Variants in BOLA3 observed in about 807,000 individuals in gnomAD.
The protein encoded by BOLA3 is bolA-like protein 3.
Under a neutral mutation model 14.5 loss-of-function variants are expected in BOLA3, and 8 were observed. The ratio of observed to expected loss-of-function variants is 0.55; its 90% confidence interval spans 0.32 to 0.99. The LOEUF is 0.99. Among genes scored for constraint, BOLA3 ranks in the 50% least tolerant of loss-of-function variants. BOLA3 has a pLI of 0.04. For synonymous variants in BOLA3, 42 were observed against 45.7 expected (o/e 0.92, Z 0.33); for missense variants, 115 against 138.2 (o/e 0.83, Z 0.84).
chr2:74,142,239 C>G, intron 3 of BOLA3, 33 bp downstream of exon 3: 1 of 1,522,324 alleles, frequency 6.6e-7, no homozygotes, highest in South Asian at 1.1e-5. Context: ...AGGCTGAAGG[C>G]CAGTGGCAAG....
chr2:74,141,107 T>C (rs1344572447), intron 3 of BOLA3, among the ~76,000 whole-genome samples: 2 of 152,192 alleles, frequency 1.3e-5, no homozygotes, highest in African/African-American at 2.4e-5. Flanking sequence ...TTCCCTGTCT[T>C]GTCTTCTGCC....
At chr2:74,144,852 G>A (rs1199085818) in intron 2 of BOLA3, among the ~76,000 whole-genome samples, 1 of 152,232 alleles carries the variant, frequency 6.6e-6, no homozygotes. Flanking sequence ...GGTGTCAGAA[G>A]AATGGGGGAA....
rs549668038 is a variant in BOLA3 at position 74,141,518 on chromosome 2, C to G, written c.258+754G>C. On this transcript the variant is annotated intron_variant, in intron 3 of 3. Transcript: ENST00000327428. Reference sequence around the variant, plus strand: ...AGGCCCAGATAGAGAAAGAGAGAGACCAGCGGGCAGAGGCCGGCTGGGAGG... The same window carrying G: ...AGGCCCAGATAGAGAAAGAGAGAGAGCAGCGGGCAGAGGCCGGCTGGGAGG... Among the ~76,000 whole-genome samples, 167 of 152,060 alleles carry G rather than the reference C, an allele frequency of 1.1e-3. 1 individual carries two copies. The highest frequency in any genetic ancestry group is 3.9e-3 in the African/African-American group (161 of 41,482).
intron 3 of BOLA3, among the ~76,000 whole-genome samples, chr2:74,141,281 T>C (rs1692432979): frequency 6.6e-6 from 1 of 150,910 alleles, no homozygotes; most frequent in Admixed American, 6.6e-5. Flanking sequence ...CAAAGGGCAC[T>C]GGTCCACAAA....
chr2:74,136,522 G>A (rs1174165196), intron 3 of BOLA3, among the ~76,000 whole-genome samples: 1 of 152,076 alleles, frequency 6.6e-6, no homozygotes, highest in Non-Finnish European at 1.5e-5. Context: ...TGTGGCCCAA[G>A]AGAATTCTTC....
intron 2 of BOLA3, among the ~76,000 whole-genome samples, chr2:74,143,559 G>T (rs1183967254): frequency 6.6e-6 from 1 of 152,190 alleles, no homozygotes; most frequent in Non-Finnish European, 1.5e-5. Context: ...GGACTGCGCA[G>T]AGCCACAGCT....
intron 3 of BOLA3, among the ~76,000 whole-genome samples, chr2:74,139,872 C>G (rs893853923): frequency 2.0e-5 from 3 of 152,194 alleles, no homozygotes; most frequent in African/African-American, 7.2e-5. Flanking sequence ...GCTCTGGGCA[C>G]AGTGGCTCAC....
chr2:74,145,230 TTTTC>T lies in BOLA3; in HGVS notation c.124_127del (p.Glu42SerfsTer8). On this transcript the variant is annotated frameshift_variant, in exon 2 of 4. Coordinates refer to ENST00000327428, the MANE Select transcript of BOLA3 (RefSeq NM_212552.3). LOFTEE classifies it high-confidence loss of function. ...TTTTATAGCTGTAGCTCGTGGAAAC[TTTTC>T]TTTGAGAATTTGGGTCACTCTGAGC... is the stretch of plus-strand genomic sequence containing the variant. 6.2e-7 allele frequency: 1 copy of T among 1,612,102 alleles called. No homozygotes were observed. Among genetic ancestry groups the T allele is most frequent in the Non-Finnish European group, 8.5e-7 (1 of 1,178,080 alleles).
At chr2:74,147,749 CA>C (rs1367219046) in intron 1 of BOLA3, 71 bp downstream of exon 1, 2 of 1,486,360 alleles carry the variant, frequency 1.3e-6, no homozygotes, top group African/African-American at 2.8e-5. Context: ...CAAGCCCCGA[CA>C]GCCGCCGGCC....
chr2:74,142,179 C>T (rs758561728), intron 3 of BOLA3, 93 bp downstream of exon 3: 13 of 917,164 alleles, frequency 1.4e-5, no homozygotes, highest in Admixed American at 5.1e-5. Context: ...ATTATTCTCT[C>T]CTGCAACTGA....
chr2:74,138,758 G>T (rs557986544), intron 3 of BOLA3, among the ~76,000 whole-genome samples: 1 of 152,160 alleles, frequency 6.6e-6, no homozygotes, highest in Non-Finnish European at 1.5e-5. Flanking sequence ...GAAAGAGGCC[G>T]GAGGCAGGGA....
intron 2 of BOLA3, among the ~76,000 whole-genome samples, chr2:74,142,759 G>A (rs1692469407): frequency 6.6e-6 from 1 of 152,214 alleles, no homozygotes; most frequent in Non-Finnish European, 1.5e-5. Flanking sequence ...TGTTTTTGAA[G>A]TGCAAAAATA....
At position 74,139,293 on chromosome 2, in the gene BOLA3, G is replaced by C. The variant is rs545686115; in HGVS notation, c.258+2979C>G. On this transcript the variant is annotated intron_variant, in intron 3 of 3. Transcript: ENST00000327428. Reference sequence around the variant, plus strand: ...ACCAGGATGAACACTACTACGCATAGGGTGAGTAGGCAAAATAGATGAGGC... The same window carrying C: ...ACCAGGATGAACACTACTACGCATACGGTGAGTAGGCAAAATAGATGAGGC... 5.8e-4 allele frequency among the ~76,000 whole-genome samples: 88 copies of C among 152,298 alleles called. No homozygotes were observed. The South Asian group carries it at 0.018, about 32-fold the overall frequency.
At chr2:74,144,519 G>A (rs1293096412) in intron 2 of BOLA3, among the ~76,000 whole-genome samples, 2 of 133,324 alleles carry the variant, frequency 1.5e-5, no homozygotes, top group East Asian at 1.9e-4. Flanking sequence ...CTGTGTGTAC[G>A]TGTGTGTGTG....
chr2:74,141,396 G>T (rs1435932579), intron 3 of BOLA3, among the ~76,000 whole-genome samples: 7 of 152,106 alleles, frequency 4.6e-5, no homozygotes, highest in Non-Finnish European at 8.8e-5. Context: ...TGGGGGAACG[G>T]CATTCATTCC....
intron 3 of BOLA3, among the ~76,000 whole-genome samples, chr2:74,140,161 G>T (rs7605545): frequency 0.045 from 6,921 of 152,172 alleles, 512 homozygotes; most frequent in African/African-American, 0.16. Context: ...GCGGGCGCCT[G>T]TAGTCCCAGC....
intron 1 of BOLA3, 55 bp from the exon 2 acceptor site, chr2:74,145,358 G>A: frequency 2.7e-6 from 3 of 1,100,432 alleles, no homozygotes; most frequent in East Asian, 2.4e-5. Context: ...TTGCCCCTGA[G>A]CTGGGCCACT....
At chr2:74,139,569 C>A (rs546914509) in intron 3 of BOLA3, among the ~76,000 whole-genome samples, 4 of 152,188 alleles carry the variant, frequency 2.6e-5, no homozygotes, top group Non-Finnish European at 5.9e-5. Context: ...TCAGACCCTG[C>A]CGGCCAACAG....
At chr2:74,139,921 G>A (rs537853010) in intron 3 of BOLA3, among the ~76,000 whole-genome samples, 1 of 152,326 alleles carries the variant, frequency 6.6e-6, no homozygotes, top group African/African-American at 2.4e-5. Flanking sequence ...GAGGCAGGAG[G>A]ATCGTCAAGG....
Sources: allele counts gnomAD v4.1 joint callset (sites outside exome capture counted in the v4.1 genomes callset), GRCh38; gene constraint gnomAD v4.1.1; transcripts MANE v1.5; gene names NCBI Gene and HGNC (gene_info 2026-07-23, HGNC 2026-07-21).